MYO7B: variants seen among roughly 807,000 people sequenced by gnomAD.
MYO7B encodes unconventional myosin-VIIb.
A neutral mutation model predicts 259.7 loss-of-function variants in MYO7B; 212 were observed. The observed-to-expected ratio is 0.82, with a 90% CI of 0.73 to 0.91. The LOEUF is 0.91. MYO7B is among the 40% of genes least tolerant of loss of function. The pLI is 0.00. For missense variants in MYO7B, 2,732 were observed against 2,813.5 expected (o/e 0.97, Z 0.66); for synonymous variants, 1,197 against 1,166.4 (o/e 1.03, Z -0.54).
At chr2:127,566,542 G>A (rs1678350850) in intron 4 of MYO7B, 101 bp from the exon 5 acceptor site, 1 of 1,058,026 alleles carries the variant, frequency 9.5e-7, no homozygotes, top group Non-Finnish European at 1.2e-6. Context: ...CAGTGGCCCT[G>A]ATAACCCCGA....
Position 127,636,676 on chromosome 2 carries a change from C to A in MYO7B, c.6207+48C>A. On this transcript the variant is annotated intron_variant, in intron 46 of 47. Coordinates refer to ENST00000409816, the MANE Select transcript of MYO7B (RefSeq NM_001393586.1). The surrounding 1 kb of genome is among the most constrained non-coding windows in gnomAD (Gnocchi z 4.5). ...GGCTGGGGGCCACCAGGTCCAGGGA[C>A]CTGTGCAGGTGGGGCTGCAGTCATC... 6.4e-7 allele frequency: 1 copy of A among 1,558,968 alleles called. No individual in the cohort carries two copies. The highest frequency in any genetic ancestry group is 8.8e-7 in the Non-Finnish European group (1 of 1,134,870).
chr2:127,605,551 C>T (rs56265322), intron 19 of MYO7B, among the ~76,000 whole-genome samples: 37,306 of 152,008 alleles, frequency 0.25, 5,958 homozygotes, highest in African/African-American at 0.45. Flanking sequence ...AGCCGAGATC[C>T]GTGCCATTGC....
chr2:127,629,771 C>T lies in MYO7B; in HGVS notation c.4751C>T (p.Pro1584Leu), dbSNP rs771954029. ...AGGACAGGCAAGACGGGGCTGGTGC[C>T]CATGGCCTGCCTCTACACCATCCCC... ...NDRTGKTGLV[P>L]MACLYTIPTV... The change falls in exon 35 of 48, where the codon CCC (proline) becomes CTC (leucine). Residue 1584 changes from proline (P) to leucine (L), a missense_variant. Physicochemically the swap from Pro to Leu is moderately conservative, Grantham distance 98. This residue lies in a region of MYO7B where 821 missense variants were observed against 769.3 expected (regional missense o/e 1.07). Coordinates refer to ENST00000409816, the MANE Select transcript of MYO7B (RefSeq NM_001393586.1). 14 of 1,608,442 alleles carry T rather than the reference C, an allele frequency of 8.7e-6. No homozygotes were observed. Among genetic ancestry groups the T allele is most frequent in the African/African-American group, 1.3e-5 (1 of 74,794 alleles).
At chr2:127,580,843 G>C in intron 10 of MYO7B, 21 bp downstream of exon 10, 1 of 1,607,582 alleles carries the variant, frequency 6.2e-7, no homozygotes, top group Non-Finnish European at 8.5e-7. Context: ...TGTGCCCACA[G>C]CTTCCATTTT....
chr2:127,591,797 G>A (rs1679570248), intron 16 of MYO7B, among the ~76,000 whole-genome samples: 1 of 152,162 alleles, frequency 6.6e-6, no homozygotes, highest in Non-Finnish European at 1.5e-5. Flanking sequence ...TGGAACCCCT[G>A]CTGAAGCCTG....
intron 1 of MYO7B, among the ~76,000 whole-genome samples, chr2:127,540,470 G>C (rs1692961757): frequency 6.6e-6 from 1 of 152,198 alleles, no homozygotes; most frequent in African/African-American, 2.4e-5. Context: ...AGCCGCAAGT[G>C]TCTTTTTCAT....
intron 18 of MYO7B, among the ~76,000 whole-genome samples, chr2:127,595,719 A>G (rs565795748): frequency 6.6e-6 from 1 of 152,214 alleles, no homozygotes; most frequent in South Asian, 2.1e-4. Flanking sequence ...CCTTAATCTC[A>G]TTCTTTACCC....
intron 5 of MYO7B, among the ~76,000 whole-genome samples, chr2:127,568,936 G>A (rs986769490): frequency 4.0e-5 from 6 of 151,536 alleles, no homozygotes; most frequent in African/African-American, 9.7e-5. Flanking sequence ...GGCCAAGCAC[G>A]GTGGTTTATG....
intron 1 of MYO7B, among the ~76,000 whole-genome samples, chr2:127,541,227 C>G (rs1388060245): frequency 6.6e-6 from 1 of 151,808 alleles, no homozygotes; most frequent in Non-Finnish European, 1.5e-5. Context: ...ATCTCCAGGG[C>G]TGTCTCCACA....
chr2:127,560,359 G>A (rs1389959643), intron 2 of MYO7B, among the ~76,000 whole-genome samples: 6 of 152,190 alleles, frequency 3.9e-5, no homozygotes, highest in African/African-American at 7.2e-5. Flanking sequence ...GGCAGTTGCC[G>A]GGAGCTCCCC....
intron 39 of MYO7B, 89 bp from the exon 40 acceptor site, chr2:127,633,169 G>A: frequency 9.9e-7 from 1 of 1,011,862 alleles, no homozygotes; most frequent in Non-Finnish European, 1.5e-6. Context: ...TTTTGTTTCT[G>A]GCACATGGTT....
At position 127,546,714 on chromosome 2, in the gene MYO7B, A is replaced by C. The variant is rs1222779165; in HGVS notation, c.-24+10883A>C. On this transcript the variant is annotated intron_variant, in intron 1 of 47. Coordinates refer to ENST00000409816, the MANE Select transcript of MYO7B (RefSeq NM_001393586.1). This position sits in a 1 kb window ranked among gnomAD's most constrained non-coding sequence, Gnocchi z 4.2. ...CCAAGGGGCAGAAAATTTTAAGCAC[A>C]CCAGTGCTTCCTGTAAGGGGCAATG... is the stretch of plus-strand genomic sequence containing the variant. 6.6e-6 allele frequency among the ~76,000 whole-genome samples: 1 copy of C among 152,096 alleles called. No homozygotes were observed. The highest frequency in any genetic ancestry group is 1.5e-5 in the Non-Finnish European group (1 of 68,012).
Position 127,609,593 on chromosome 2 carries a change from C to T in MYO7B, c.2902C>T (p.Leu968=). Reference sequence around the variant, plus strand: ...GGAGCCTGAGGAGGATGTGGATGGCCTGGCCGAGTACACCTTCCCCAAGTT... The same window carrying T: ...GGAGCCTGAGGAGGATGTGGATGGCTTGGCCGAGTACACCTTCCCCAAGTT... ...AEEPEEDVDG[L]AEYTFPKFAV... is the part of the protein sequence containing the mutation. Residue 968 remains leucine (L), a synonymous_variant, in exon 23 of 48, where the codon CTG becomes TTG. Transcript: ENST00000409816. The surrounding 1 kb of genome is among the most constrained non-coding windows in gnomAD (Gnocchi z 6.9). 1 of 1,614,028 alleles carries T rather than the reference C, an allele frequency of 6.2e-7. No individual in the cohort carries two copies. The highest frequency in any genetic ancestry group is 8.5e-7 in the Non-Finnish European group (1 of 1,179,894).
chr2:127,623,054 TG>T, intron 28 of MYO7B, 147 bp from the exon 29 acceptor site: 2 of 891,170 alleles, frequency 2.2e-6, no homozygotes, highest in Non-Finnish European at 1.7e-6. Context: ...GCCCATGGCC[TG>T]GGGCTTCAGA....
At chr2:127,569,667 G>A (rs1678502617) in intron 5 of MYO7B, 122 bp from the exon 6 acceptor site, 1 of 1,293,262 alleles carries the variant, frequency 7.7e-7, no homozygotes, top group Non-Finnish European at 1.0e-6. Context: ...GATTTCTGCA[G>A]GGGAGAGGCC....
At chr2:127,547,684 C>T (rs537202306) in intron 1 of MYO7B, among the ~76,000 whole-genome samples, 1 of 152,092 alleles carries the variant, frequency 6.6e-6, no homozygotes, top group Non-Finnish European at 1.5e-5. Context: ...TTCTGAGAGT[C>T]CAGCAGCAGC....
At chr2:127,635,421 C>T (rs926465862) in intron 43 of MYO7B, 195 bp downstream of exon 43, 2 of 631,838 alleles carry the variant, frequency 3.2e-6, no homozygotes, top group Non-Finnish European at 5.5e-6. Flanking sequence ...ACAGTGACTG[C>T]ACTGGCACCT....
At chr2:127,548,322 A>T (rs962761714) in intron 1 of MYO7B, among the ~76,000 whole-genome samples, 2 of 150,610 alleles carry the variant, frequency 1.3e-5, no homozygotes, top group South Asian at 2.1e-4. Context: ...TTCTGTTCTA[A>T]TTTTTATTTT....
rs997309454 is a variant in MYO7B at position 127,624,171 on chromosome 2, G to A, written c.3898G>A (p.Glu1300Lys). 31 of 1,596,870 alleles carry A rather than the reference G, an allele frequency of 1.9e-5. No individual in the cohort carries two copies. Among genetic ancestry groups the A allele is most frequent in the African/African-American group, 8.0e-5 (6 of 74,572 alleles). ...TGAGCAGATGGCCCAGGAGAGGGGC[G>A]AGAGCCAGCGCCAGTCACCCTGGCG... Reference protein sequence around the residue: ...RCEQMAQERGESQRQSPWRIY... With the variant: ...RCEQMAQERGKSQRQSPWRIY... The change falls in exon 30 of 48, where the codon GAG becomes AAG. Residue 1300 changes from glutamate (E) to lysine (K), a missense_variant. This residue lies in a region of MYO7B where 1,906 missense variants were observed against 2,026.4 expected (regional missense o/e 0.94). Transcript: ENST00000409816.
Sources: gnomAD v4.1 joint callset for allele counts (sites outside exome capture counted in the v4.1 genomes callset) on GRCh38, gnomAD v4.1.1 for gene constraint, gnomAD v4.1.1 regional missense constraint, Gnocchi (gnomAD v3.1) non-coding constraint, MANE v1.5 for transcripts, NCBI Gene and HGNC (gene_info 2026-07-23, HGNC 2026-07-21) for gene names.